The following ROR1 variants were observed in gnomAD, a reference collection of about 807,000 sequenced individuals.
ROR1 encodes the protein inactive tyrosine-protein kinase transmembrane receptor ROR1.
ROR1 carries 19 observed loss-of-function variants against 78.8 expected under a neutral mutation model. The ratio of observed to expected loss-of-function variants is 0.24; its 90% confidence interval spans 0.17 to 0.35. The LOEUF (loss-of-function observed/expected upper bound fraction) is 0.35, where lower values mean the gene tolerates loss of function less well. Among genes scored for constraint, ROR1 ranks in the 10% least tolerant of loss-of-function variants. The pLI is 1.00. For missense variants in ROR1, 917 were observed against 1,177.8 expected (o/e 0.78, Z 3.24); for synonymous variants, 386 against 433.6 (o/e 0.89, Z 1.36).
intron 1 of ROR1, among the ~76,000 whole-genome samples, chr1:63,886,543 A>G (rs1645358554): frequency 6.6e-6 from 1 of 152,150 alleles, no homozygotes; most frequent in Non-Finnish European, 1.5e-5. Flanking sequence ...AGAAGGAGTC[A>G]CATGGCTGGT....
chr1:64,050,052 C>CAGGA, intron 3 of ROR1, 74 bp downstream of exon 3: 4 of 1,517,440 alleles, frequency 2.6e-6, no homozygotes, highest in South Asian at 2.4e-5. Flanking sequence ...TCCACAGGGA[C>CAGGA]AGGAAGGAAG....
chr1:64,137,549 C>T, intron 5 of ROR1, 53 bp downstream of exon 5: 1 of 1,566,478 alleles, frequency 6.4e-7, no homozygotes, highest in African/African-American at 1.4e-5. Context: ...ATTTTTCTCG[C>T]CAAAAGTTTT....
At position 63,873,337 on chromosome 1, in the gene ROR1, G is replaced by T. The variant is rs550912089; in HGVS notation, c.91+98829G>T. On this transcript the variant is annotated intron_variant, in intron 1 of 8. Coordinates refer to ENST00000371079, the MANE Select transcript of ROR1 (RefSeq NM_005012.4). ...ATAGAGTAAGAATTTTCTTGTTGTT[G>T]TTGGGAGAGTTTGTTTTTCTTCTTA... Among the ~76,000 whole-genome samples, 719 of 152,244 alleles carry T rather than the reference G, an allele frequency of 4.7e-3. 2 individuals are homozygous for T. The highest frequency in any genetic ancestry group is 7.8e-3 in the Non-Finnish European group (532 of 68,004).
At chr1:64,137,760 G>A (rs945860189) in intron 5 of ROR1, among the ~76,000 whole-genome samples, 7 of 152,276 alleles carry the variant, frequency 4.6e-5, no homozygotes, top group Middle Eastern at 3.4e-3. Flanking sequence ...TGCTTTCACC[G>A]TACCAGGAAC....
intron 1 of ROR1, among the ~76,000 whole-genome samples, chr1:63,961,274 T>C: frequency 6.6e-6 from 1 of 152,190 alleles, no homozygotes; most frequent in South Asian, 2.1e-4. Context: ...GAAAACAGTA[T>C]GGAGATTCCT....
intron 2 of ROR1, among the ~76,000 whole-genome samples, chr1:64,014,926 G>A (rs12081937): frequency 0.049 from 7,267 of 149,492 alleles, 281 homozygotes; most frequent in African/African-American, 0.11. Context: ...GGAGATATAT[G>A]TATCTGTTAC....
At chr1:63,927,772 A>G (rs992341013) in intron 1 of ROR1, among the ~76,000 whole-genome samples, 1 of 152,158 alleles carries the variant, frequency 6.6e-6, no homozygotes, top group African/African-American at 2.4e-5. Context: ...CTCCATTGCA[A>G]TCATGAGGAA....
intron 1 of ROR1, among the ~76,000 whole-genome samples, chr1:63,941,585 A>C (rs1448325081): frequency 2.6e-5 from 4 of 152,202 alleles, no homozygotes; most frequent in African/African-American, 9.6e-5. Flanking sequence ...CTTGCCTTTC[A>C]AGTGGGGATA....
At chr1:63,993,373 G>A (rs1646311862) in intron 1 of ROR1, among the ~76,000 whole-genome samples, 1 of 152,156 alleles carries the variant, frequency 6.6e-6, no homozygotes, top group African/African-American at 2.4e-5. Flanking sequence ...AGAATTTTAA[G>A]AGTGCAAAAA....
intron 1 of ROR1, among the ~76,000 whole-genome samples, chr1:63,863,946 T>C (rs566716648): frequency 1.3e-5 from 2 of 152,294 alleles, no homozygotes; most frequent in Non-Finnish European, 2.9e-5. Context: ...TGCAGTGTTT[T>C]TCTGATAGGA....
chr1:63,855,549 T>A (rs183904654), intron 1 of ROR1, among the ~76,000 whole-genome samples: 7 of 152,282 alleles, frequency 4.6e-5, no homozygotes, highest in Admixed American at 4.6e-4. Flanking sequence ...GTTTTTGAGT[T>A]TACTAATATT....
rs537413754 is a variant in ROR1, at chr1:64,021,553, T to C, written c.163+12177T>C. Among the ~76,000 whole-genome samples, 9 of 152,346 alleles carry C rather than the reference T, an allele frequency of 5.9e-5. No homozygotes were observed. The East Asian group carries it at 1.5e-3, about 26-fold the overall frequency. ...TGCAAGGTAGGTACTATTATGTTCATTTCACAGGCAGGAAAACAAGTTCAA... is the reference window on the plus strand; with the variant it reads ...TGCAAGGTAGGTACTATTATGTTCACTTCACAGGCAGGAAAACAAGTTCAA... On this transcript the variant is annotated intron_variant, in intron 2 of 8. Coordinates refer to ENST00000371079, the MANE Select transcript of ROR1 (RefSeq NM_005012.4).
chr1:64,016,069 C>T (rs987365642), intron 2 of ROR1, among the ~76,000 whole-genome samples: 1 of 152,188 alleles, frequency 6.6e-6, no homozygotes, highest in Non-Finnish European at 1.5e-5. Context: ...TTTGAGGAAA[C>T]AGCACTTTAA....
chr1:63,774,294 A>G lies in ROR1; in HGVS notation c.-124A>G. ...GTTAGAGGGACAAAGAGCTTTGCAGACGTCCCCGGCGTCCTGCGAGCGCCA... is the reference window on the plus strand; with the variant it reads ...GTTAGAGGGACAAAGAGCTTTGCAGGCGTCCCCGGCGTCCTGCGAGCGCCA... On this transcript the variant is annotated 5_prime_UTR_variant, in exon 1 of 9. Transcript: ENST00000371079. This position sits in a 1 kb window ranked among gnomAD's most constrained non-coding sequence, Gnocchi z 5.7. The G allele has an allele frequency of 2.1e-6, 1 of 479,984 alleles. No homozygotes were observed. Among genetic ancestry groups the G allele is most frequent in the Non-Finnish European group, 3.3e-6 (1 of 300,630 alleles). The allele number at this position is 479,984 out of a possible 1,614,324, so 29.7% of individuals were successfully genotyped here.
At chr1:64,012,185 GT>G (rs1646481385) in intron 2 of ROR1, among the ~76,000 whole-genome samples, 1 of 152,206 alleles carries the variant, frequency 6.6e-6, no homozygotes, top group African/African-American at 2.4e-5. Context: ...AAGGCCTAGA[GT>G]TTTGGTATCC....
At chr1:63,781,271 G>A (rs1393075714) in intron 1 of ROR1, among the ~76,000 whole-genome samples, 2 of 152,156 alleles carry the variant, frequency 1.3e-5, no homozygotes, top group Admixed American at 6.5e-5. Flanking sequence ...TTGAGCACCT[G>A]CTATATGCCA....
At chr1:63,977,719 A>G (rs1324209048) in intron 1 of ROR1, among the ~76,000 whole-genome samples, 2 of 152,170 alleles carry the variant, frequency 1.3e-5, no homozygotes, top group African/African-American at 2.4e-5. Flanking sequence ...CAGAGGGAGA[A>G]AAGTGGCCAA....
chr1:63,796,436 C>G (rs1644760829), intron 1 of ROR1, among the ~76,000 whole-genome samples: 1 of 152,186 alleles, frequency 6.6e-6, no homozygotes, highest in African/African-American at 2.4e-5. Flanking sequence ...TGCATTTTAA[C>G]ATGATCCCAG....
Position 64,140,443 on chromosome 1 carries a change from G to A in ROR1, c.928+17G>A. ...TAAATAAAAGTAAGTGGTAGCCCCT[G>A]ACCTTCTGTGCTCTTCTAAGGGTCA... On this transcript the variant is annotated intron_variant, in intron 6 of 8. Coordinates refer to ENST00000371079, the MANE Select transcript of ROR1 (RefSeq NM_005012.4). The A allele has an allele frequency of 6.2e-7, 1 of 1,609,148 alleles. No homozygotes were observed. Among genetic ancestry groups the A allele is most frequent in the Non-Finnish European group, 8.5e-7 (1 of 1,176,436 alleles).
Sources: gnomAD v4.1 joint callset for allele counts (sites outside exome capture counted in the v4.1 genomes callset) on GRCh38, gnomAD v4.1.1 for gene constraint, Gnocchi (gnomAD v3.1) non-coding constraint, MANE v1.5 for transcripts, NCBI Gene and HGNC (gene_info 2026-07-23, HGNC 2026-07-21) for gene names.